The following FNBP4 variants were observed in gnomAD, a reference collection of about 807,000 sequenced individuals.
FNBP4 encodes the protein formin binding protein 4.
In FNBP4, 34 loss-of-function variants were observed where a neutral mutation model predicts 119.3. That is an observed-to-expected ratio of 0.28 (90% CI 0.22 to 0.38). The LOEUF (loss-of-function observed/expected upper bound fraction) is 0.38, where lower values mean the gene tolerates loss of function less well. Among genes scored for constraint, FNBP4 ranks in the 10% least tolerant of loss-of-function variants. The pLI is 1.00. For missense variants in FNBP4, 1,112 were observed against 1,228.9 expected, an observed-to-expected ratio of 0.90 and a Z score of 1.42; for synonymous variants, 462 against 430.6, an observed-to-expected ratio of 1.07 and a Z score of -0.90.
At position 47,716,645 on chromosome 11, in the gene FNBP4, T is replaced by C. The variant is rs2097550162; in HGVS notation, c.*777A>G. 1 of 152,746 alleles carries C rather than the reference T, an allele frequency of 6.5e-6. No homozygotes were observed. Among genetic ancestry groups the C allele is most frequent in the East Asian group, 1.9e-4 (1 of 5,190 alleles). The allele number at this position is 152,746 out of a possible 1,614,324, so 9.5% of individuals were successfully genotyped here. On this transcript the variant is annotated 3_prime_UTR_variant, in exon 17 of 17. Transcript: ENST00000263773. ...GTTTAAAGTGACTTTTACCTGATTG[T>C]GATACAACAGAAAGTACAGAACAGT...
intron 15 of FNBP4, among the ~76,000 whole-genome samples, chr11:47,720,731 AT>A (rs1227252627): frequency 8.0e-5 from 12 of 150,552 alleles, no homozygotes; most frequent in Non-Finnish European, 1.5e-4. Context: ...CCGTTTTCAA[AT>A]TTTAAATAGA....
intron 8 of FNBP4, among the ~76,000 whole-genome samples, chr11:47,740,892 A>AT (rs2097581070): frequency 6.8e-6 from 1 of 147,238 alleles, no homozygotes; most frequent in Non-Finnish European, 1.5e-5. Context: ...ACCCAGCCAC[A>AT]TTTTTTTTGT....
intron 8 of FNBP4, among the ~76,000 whole-genome samples, chr11:47,741,028 C>T (rs2097581237): frequency 6.7e-6 from 1 of 148,650 alleles, no homozygotes; most frequent in Non-Finnish European, 1.5e-5. Flanking sequence ...AGCCGCCACG[C>T]CCAGCCTATT....
At chr11:47,748,263 A>T (rs918852260) in intron 6 of FNBP4, among the ~76,000 whole-genome samples, 1 of 151,444 alleles carries the variant, frequency 6.6e-6, no homozygotes, top group Non-Finnish European at 1.5e-5. Context: ...TAATAAAAAT[A>T]AAAAATAAAA....
chr11:47,741,543 C>T (rs896860170), intron 8 of FNBP4, among the ~76,000 whole-genome samples: 3 of 151,714 alleles, frequency 2.0e-5, no homozygotes, highest in Admixed American at 6.6e-5. Context: ...CAGGGCTGGT[C>T]GCAGTGGCTC....
intron 2 of FNBP4, among the ~76,000 whole-genome samples, chr11:47,758,421 T>C (rs2097624740): frequency 6.6e-6 from 1 of 152,108 alleles, no homozygotes; most frequent in African/African-American, 2.4e-5. Context: ...CAGTTTGGTC[T>C]TGAATTCCTG....
intron 2 of FNBP4, among the ~76,000 whole-genome samples, chr11:47,755,142 A>T (rs1449878482): frequency 3.2e-5 from 2 of 63,250 alleles, no homozygotes; most frequent in Admixed American, 1.9e-4. Context: ...TCCGGGGGTT[A>T]AAAAAAAAAA....
chr11:47,727,206 C>CAAATGACG (rs1159064666), intron 12 of FNBP4, among the ~76,000 whole-genome samples: 2 of 151,186 alleles, frequency 1.3e-5, no homozygotes, highest in African/African-American at 2.4e-5. Context: ...AAATTAGCCA[C>CAAATGACG]AAATGACGAG....
intron 6 of FNBP4, among the ~76,000 whole-genome samples, chr11:47,748,424 G>A (rs1193399503): frequency 6.6e-6 from 1 of 151,702 alleles, no homozygotes; most frequent in African/African-American, 2.4e-5. Context: ...GTCTCACTCT[G>A]TCCAGGCTGG....
chr11:47,734,776 C>A (rs988284765), intron 9 of FNBP4, among the ~76,000 whole-genome samples: 4 of 151,918 alleles, frequency 2.6e-5, no homozygotes, highest in African/African-American at 9.7e-5. Context: ...AGATAGAGAC[C>A]ATCCTCGCCA....
intron 2 of FNBP4, 101 bp from the exon 3 acceptor site, chr11:47,754,765 C>G (rs2097612893): frequency 1.6e-6 from 2 of 1,283,738 alleles, no homozygotes; most frequent in Non-Finnish European, 2.2e-6. Flanking sequence ...AACTTACTTA[C>G]AGATTAGAAC....
rs2097564881 is a variant in FNBP4 at position 47,729,383 on chromosome 11, C to T, written c.2008+1991G>A. 4.1e-6 allele frequency: 4 copies of T among 985,236 alleles called. No individual in the cohort carries two copies. The Admixed American group carries it at 1.8e-4, about 45-fold the overall frequency. The allele number at this position is 985,236 out of a possible 1,614,324, so 61.0% of individuals were successfully genotyped here. ...GAACCCAACTCATCTTTAGAATCCA[C>T]TCCATCTTTAAAAACATAATGTTAA... On this transcript the variant is annotated intron_variant, in intron 12 of 16. Coordinates refer to ENST00000263773, the MANE Select transcript of FNBP4 (RefSeq NM_015308.5).
At chr11:47,719,808 G>T in intron 16 of FNBP4, 121 bp downstream of exon 16, 1 of 1,028,170 alleles carries the variant, frequency 9.7e-7, no homozygotes, top group Non-Finnish European at 1.4e-6. Context: ...AAATTTACAA[G>T]CTGTGATTTT....
At chr11:47,724,238 C>CT (rs568611961) in intron 13 of FNBP4, 66 bp from the exon 14 acceptor site, 7 of 1,580,118 alleles carry the variant, frequency 4.4e-6, no homozygotes, top group East Asian at 2.2e-5. Context: ...CTCCCACCTC[C>CT]TTTTTTTGAG....
At chr11:47,730,909 C>G (rs2097566612) in intron 12 of FNBP4, among the ~76,000 whole-genome samples, 1 of 152,174 alleles carries the variant, frequency 6.6e-6, no homozygotes, top group Non-Finnish European at 1.5e-5. Context: ...AATGGCATTT[C>G]TTCATATCAT....
chr11:47,760,575 G>C (rs1375913152), intron 2 of FNBP4, among the ~76,000 whole-genome samples: 1 of 151,938 alleles, frequency 6.6e-6, no homozygotes, highest in Non-Finnish European at 1.5e-5. Flanking sequence ...GGAATTAGAG[G>C]AGTGCACCAC....
At chr11:47,766,653 T>G (rs982570688) in intron 1 of FNBP4, among the ~76,000 whole-genome samples, 1 of 152,238 alleles carries the variant, frequency 6.6e-6, no homozygotes, top group East Asian at 1.9e-4. Flanking sequence ...TCTAAACGTC[T>G]CTATCCCCGT....
intron 14 of FNBP4, 140 bp from the exon 15 acceptor site, chr11:47,723,456 G>C (rs2097557945): frequency 1.5e-6 from 2 of 1,318,028 alleles, no homozygotes; most frequent in Non-Finnish European, 2.0e-6. Flanking sequence ...CATATTTGCT[G>C]GTAGCAAAAT....
At position 47,717,364 on chromosome 11, in the gene FNBP4, G is replaced by A. The variant is rs1196836190; in HGVS notation, c.*58C>T. On this transcript the variant is annotated 3_prime_UTR_variant, in exon 17 of 17. Transcript: ENST00000263773. ...TTTATTTGACAATAAAACTGGTTAA[G>A]ACTTTGAACTGAACACAAAACAAAC... The A allele has an allele frequency of 8.4e-7, 1 of 1,184,614 alleles. No homozygotes were observed. Among genetic ancestry groups the A allele is most frequent in the African/African-American group, 1.5e-5 (1 of 65,638 alleles). 73.4% of individuals were successfully genotyped at this position (1,184,614 alleles called of 1,614,324 possible).
Sources: gnomAD v4.1 joint callset for allele counts (sites outside exome capture counted in the v4.1 genomes callset) on GRCh38, gnomAD v4.1.1 for gene constraint, MANE v1.5 for transcripts, NCBI Gene and HGNC (gene_info 2026-07-23, HGNC 2026-07-21) for gene names.